Variants in DIAPH3 observed in about 807,000 individuals in gnomAD.
The protein encoded by DIAPH3 is protein diaphanous homolog 3.
A neutral mutation model predicts 144.3 loss-of-function variants in DIAPH3; 117 were observed. The observed-to-expected ratio is 0.81, with a 90% confidence interval of 0.70 to 0.95. The LOEUF (loss-of-function observed/expected upper bound fraction) is 0.95. Among genes scored for constraint, DIAPH3 ranks in the 40% least tolerant of loss-of-function variants. The pLI, the probability that DIAPH3 is intolerant of heterozygous loss-of-function variation, is 0.00. For synonymous variants in DIAPH3, 519 were observed against 488.9 expected (o/e 1.06, Z -0.81); for missense variants, 1,421 against 1,412.7 (o/e 1.01, Z -0.09).
At chr13:59,824,522 T>C (rs1421346214) in intron 24 of DIAPH3, among the ~76,000 whole-genome samples, 1 of 152,180 alleles carries the variant, frequency 6.6e-6, no homozygotes, top group Non-Finnish European at 1.5e-5. Flanking sequence ...AGGCCTATCA[T>C]AGGCAGGTTT....
In DIAPH3 at chr13:59,750,139, C is replaced by T. The variant is rs139477123; in HGVS notation, c.3319+24050G>A. ...GTGAGAAATAGCTTGATATAACAAG[C>T]CTACAATATTAGTTCTCCTGAATTT... On this transcript the variant is annotated intron_variant, in intron 27 of 27. Transcript: ENST00000400324. Among the ~76,000 whole-genome samples, 794 of 152,174 alleles carry T rather than the reference C, an allele frequency of 5.2e-3. 2 individuals carry two copies. The highest frequency in any genetic ancestry group is 8.4e-3 in the Non-Finnish European group (569 of 67,996).
At chr13:60,011,904 G>A (rs779624561) in intron 7 of DIAPH3, among the ~76,000 whole-genome samples, 67 of 152,116 alleles carry the variant, frequency 4.4e-4, no homozygotes, top group Non-Finnish European at 8.1e-4. Flanking sequence ...GATAAGTTAT[G>A]TTAATGATGT....
chr13:60,008,221 G>A (rs954789980), intron 9 of DIAPH3, among the ~76,000 whole-genome samples: 28 of 151,772 alleles, frequency 1.8e-4, no homozygotes, highest in Non-Finnish European at 1.5e-5. Context: ...ATGAAACCCC[G>A]TCTCTACTAA....
chr13:60,067,842 T>A (rs569620668), intron 4 of DIAPH3, among the ~76,000 whole-genome samples: 19 of 152,176 alleles, frequency 1.2e-4, no homozygotes, highest in Non-Finnish European at 2.4e-4. Context: ...AATAAAGTAA[T>A]CCATGTAAAA....
chr13:60,001,291 G>A (rs1221730922), intron 9 of DIAPH3, among the ~76,000 whole-genome samples: 7 of 152,146 alleles, frequency 4.6e-5, no homozygotes, highest in African/African-American at 1.4e-4. Context: ...ACTTTACTAA[G>A]AGGTCAATCA....
At chr13:60,029,787 A>G (rs2054651540) in intron 5 of DIAPH3, among the ~76,000 whole-genome samples, 1 of 152,160 alleles carries the variant, frequency 6.6e-6, no homozygotes. Context: ...TTCCTGTGGC[A>G]GTTAAAGTGA....
chr13:60,161,699 T>A (rs1471296026), intron 1 of DIAPH3, among the ~76,000 whole-genome samples: 1 of 152,088 alleles, frequency 6.6e-6, no homozygotes, highest in Non-Finnish European at 1.5e-5. Flanking sequence ...TGAATCTGAG[T>A]CAATGTAGAC....
intron 20 of DIAPH3, among the ~76,000 whole-genome samples, chr13:59,885,643 A>G (rs1367852955): frequency 1.3e-5 from 2 of 152,068 alleles, no homozygotes; most frequent in South Asian, 2.1e-4. Flanking sequence ...AGAGACCCAC[A>G]AAAGGTATGT....
chr13:59,979,731 A>G (rs1384084753), intron 14 of DIAPH3, among the ~76,000 whole-genome samples: 1 of 151,674 alleles, frequency 6.6e-6, no homozygotes, highest in Admixed American at 6.6e-5. Flanking sequence ...GCCTCAAGAT[A>G]CATTTAGTAT....
At chr13:59,875,084 C>A (rs1211217871) in intron 21 of DIAPH3, among the ~76,000 whole-genome samples, 1 of 152,130 alleles carries the variant, frequency 6.6e-6, no homozygotes, top group Non-Finnish European at 1.5e-5. Flanking sequence ...ATCAACGTGT[C>A]TCTTGGAGAA....
intron 2 of DIAPH3, 46 bp downstream of exon 2, chr13:60,132,911 G>A (rs778553633): frequency 1.3e-6 from 2 of 1,504,092 alleles, no homozygotes; most frequent in South Asian, 2.3e-5. Flanking sequence ...AACGTTATAT[G>A]GTTAGTTACA....
In DIAPH3 at chr13:59,925,910, TTC is replaced by T. The variant is rs376027481; in HGVS notation, c.2075-1042_2075-1041del. Among the ~76,000 whole-genome samples, 512 of 152,294 alleles carry T rather than the reference TTC, an allele frequency of 3.4e-3. 3 individuals are homozygous for T. Among genetic ancestry groups the T allele is most frequent in the African/African-American group, 0.012 (488 of 41,560 alleles). ...GATTTTGATTTTATTCATTTGGGTT[TTC>T]TCTTTTTCTTCTAATGGTTTATCAA... On this transcript the variant is annotated intron_variant, in intron 17 of 27. Coordinates refer to ENST00000400324, the MANE Select transcript of DIAPH3 (RefSeq NM_001042517.2).
chr13:60,108,410 A>T (rs1167421940), intron 3 of DIAPH3, among the ~76,000 whole-genome samples: 1 of 152,062 alleles, frequency 6.6e-6, no homozygotes, highest in Non-Finnish European at 1.5e-5. Context: ...GGAATTCGAG[A>T]CCAGCCTGGC....
At chr13:59,998,290 A>T (rs1316274722) in intron 9 of DIAPH3, among the ~76,000 whole-genome samples, 1 of 152,146 alleles carries the variant, frequency 6.6e-6, no homozygotes, top group Non-Finnish European at 1.5e-5. Flanking sequence ...AGACATCATT[A>T]ATTTCTTCTA....
intron 20 of DIAPH3, among the ~76,000 whole-genome samples, chr13:59,910,734 A>AT (rs2046957022): frequency 6.8e-6 from 1 of 147,526 alleles, no homozygotes; most frequent in Admixed American, 6.7e-5. Flanking sequence ...TGTCTCAAGT[A>AT]TTTAAAAAAA....
chr13:60,154,519 A>G, intron 1 of DIAPH3, among the ~76,000 whole-genome samples: 1 of 152,208 alleles, frequency 6.6e-6, no homozygotes, highest in Non-Finnish European at 1.5e-5. Context: ...ATCTATGGCA[A>G]GCATTTCCAA....
intron 27 of DIAPH3, among the ~76,000 whole-genome samples, chr13:59,702,121 A>T (rs575813374): frequency 3.9e-5 from 6 of 152,274 alleles, no homozygotes; most frequent in Admixed American, 2.0e-4. Flanking sequence ...ATTTGTTATT[A>T]TTTATTTTAC....
chr13:60,083,978 G>A (rs1050739013), intron 4 of DIAPH3, among the ~76,000 whole-genome samples: 10 of 150,456 alleles, frequency 6.6e-5, no homozygotes, highest in African/African-American at 2.2e-4. Flanking sequence ...ATAGTCTGAG[G>A]ATGCACTTTT....
intron 2 of DIAPH3, among the ~76,000 whole-genome samples, chr13:60,113,125 C>G (rs1308110412): frequency 6.6e-6 from 1 of 152,062 alleles, no homozygotes; most frequent in Non-Finnish European, 1.5e-5. Flanking sequence ...TAAACCTGTA[C>G]TATTCATTAT....
Sources: allele counts gnomAD v4.1 joint callset (sites outside exome capture counted in the v4.1 genomes callset), GRCh38; gene constraint gnomAD v4.1.1; transcripts MANE v1.5; gene names NCBI Gene and HGNC (gene_info 2026-07-23, HGNC 2026-07-21).